The following ST8SIA1 variants were observed in gnomAD, a reference collection of about 807,000 sequenced individuals.
The protein encoded by ST8SIA1 is alpha-N-acetylneuraminide alpha-2,8-sialyltransferase.
ST8SIA1 carries 16 observed loss-of-function variants against 35.9 expected under a neutral mutation model. The ratio of observed to expected loss-of-function variants is 0.45; its 90% CI spans 0.30 to 0.68. The LOEUF (loss-of-function observed/expected upper bound fraction) is 0.68. ST8SIA1 is among the 30% of genes least tolerant of loss of function. ST8SIA1 has a pLI of 0.09. For missense variants in ST8SIA1, 383 were observed against 453.6 expected (o/e 0.84, Z 1.41); for synonymous variants, 170 against 169.6 (o/e 1.00, Z -0.02).
intron 4 of ST8SIA1, among the ~76,000 whole-genome samples, chr12:22,230,681 C>T (rs1346323577): frequency 1.3e-5 from 2 of 152,092 alleles, no homozygotes; most frequent in Non-Finnish European, 2.9e-5. Flanking sequence ...AAACTACTAA[C>T]ATTTCAACAA....
chr12:22,317,238 G>A (rs74720132), intron 1 of ST8SIA1, among the ~76,000 whole-genome samples: 3,323 of 152,244 alleles, frequency 0.022, 114 homozygotes, highest in African/African-American at 0.075. Context: ...ACTGATAGAC[G>A]TTGTGGGTGG....
chr12:22,279,871 A>G (rs1368602269), intron 2 of ST8SIA1, among the ~76,000 whole-genome samples: 3 of 152,234 alleles, frequency 2.0e-5, no homozygotes, highest in African/African-American at 7.2e-5. Flanking sequence ...CACTGAAGAT[A>G]ACAGGGTAGA....
At chr12:22,225,866 A>G (rs899486798) in intron 4 of ST8SIA1, among the ~76,000 whole-genome samples, 3 of 151,848 alleles carry the variant, frequency 2.0e-5, no homozygotes, top group African/African-American at 7.3e-5. Context: ...TCACTCCCCA[A>G]CTCCACATTA....
chr12:22,303,109 G>C (rs1866337981), intron 1 of ST8SIA1, among the ~76,000 whole-genome samples: 3 of 152,134 alleles, frequency 2.0e-5, no homozygotes, highest in African/African-American at 7.2e-5. Flanking sequence ...CAGATATTCA[G>C]GGTTCACATT....
At chr12:22,282,340 G>A (rs1000134816) in intron 2 of ST8SIA1, among the ~76,000 whole-genome samples, 5 of 152,160 alleles carry the variant, frequency 3.3e-5, no homozygotes, top group African/African-American at 9.7e-5. Flanking sequence ...AGGGCTGAGC[G>A]AGATAACATG....
chr12:22,312,154 G>T (rs552098550), intron 1 of ST8SIA1, among the ~76,000 whole-genome samples: 2 of 152,124 alleles, frequency 1.3e-5, no homozygotes, highest in Admixed American at 1.3e-4. Flanking sequence ...CTAAATAAAC[G>T]TATAAACTAA....
chr12:22,321,305 C>G (rs879575330), intron 1 of ST8SIA1, among the ~76,000 whole-genome samples: 5,543 of 152,306 alleles, frequency 0.036, 153 homozygotes, highest in African/African-American at 0.077. Flanking sequence ...CCTAAGAGGG[C>G]TGCCCGCCAG....
chr12:22,305,515 G>A (rs994625527), intron 1 of ST8SIA1, among the ~76,000 whole-genome samples: 5 of 151,806 alleles, frequency 3.3e-5, no homozygotes, highest in Non-Finnish European at 7.4e-5. Context: ...CAAGTAGCTG[G>A]GATCACAGGC....
Position 22,201,714 on chromosome 12 carries a change from A to C in ST8SIA1, c.909T>G (p.His303Gln). Reference sequence around the variant, plus strand: ...AGTAGTGGTGGCTGATGGGCTGCTCATGCATATTCACAGAGAAGGGCCAGA... The same window carrying C: ...AGTAGTGGTGGCTGATGGGCTGCTCCTGCATATTCACAGAGAAGGGCCAGA... ...YGFWPFSVNMHEQPISHHYYD... is the reference protein window; with the variant it reads ...YGFWPFSVNMQEQPISHHYYD... Residue 303 changes from histidine to glutamine, a missense_variant, in exon 5 of 5, where the codon CAT (histidine) becomes CAG (glutamine). By Grantham distance (24) the His-to-Gln change is conservative. Coordinates refer to ENST00000396037, the MANE Select transcript of ST8SIA1 (RefSeq NM_003034.4). 1.2e-6 allele frequency: 2 copies of C among 1,614,114 alleles called. No individual in the cohort carries two copies. The highest frequency in any genetic ancestry group is 3.3e-5 in the Admixed American group (2 of 60,006).
intron 1 of ST8SIA1, among the ~76,000 whole-genome samples, chr12:22,293,452 C>T (rs1173279064): frequency 2.6e-5 from 4 of 152,208 alleles, no homozygotes; most frequent in Non-Finnish European, 5.9e-5. Flanking sequence ...GTATCTAATG[C>T]ATTTCCTGCA....
At chr12:22,223,048 A>C (rs993450220) in intron 4 of ST8SIA1, among the ~76,000 whole-genome samples, 3 of 152,196 alleles carry the variant, frequency 2.0e-5, no homozygotes, top group African/African-American at 7.2e-5. Context: ...TCATGTCCTC[A>C]ATACTTCCTT....
At chr12:22,312,618 C>T (rs1866464132) in intron 1 of ST8SIA1, among the ~76,000 whole-genome samples, 1 of 150,886 alleles carries the variant, frequency 6.6e-6, no homozygotes, top group Admixed American at 6.6e-5. Flanking sequence ...ATTGCTATTG[C>T]TCTTGTTGGT....
chr12:22,242,642 T>C (rs972987034), intron 4 of ST8SIA1, among the ~76,000 whole-genome samples: 3 of 152,218 alleles, frequency 2.0e-5, no homozygotes, highest in Admixed American at 6.5e-5. Flanking sequence ...AAAATGGCAC[T>C]ATATCCCTTA....
intron 2 of ST8SIA1, among the ~76,000 whole-genome samples, chr12:22,255,850 A>G (rs1201256173): frequency 6.6e-6 from 1 of 152,196 alleles, no homozygotes; most frequent in Non-Finnish European, 1.5e-5. Flanking sequence ...TTGGGGAGAG[A>G]TACATGTGGA....
At chr12:22,278,067 G>C (rs907170647) in intron 2 of ST8SIA1, among the ~76,000 whole-genome samples, 1 of 152,204 alleles carries the variant, frequency 6.6e-6, no homozygotes, top group African/African-American at 2.4e-5. Flanking sequence ...TCATGAATGA[G>C]TGGTCGAACA....
chr12:22,303,722 G>A (rs1380244055), intron 1 of ST8SIA1, among the ~76,000 whole-genome samples: 3 of 150,862 alleles, frequency 2.0e-5, no homozygotes, highest in African/African-American at 4.9e-5. Flanking sequence ...GGTTGTTTCC[G>A]TCTTTTTCCC....
intron 4 of ST8SIA1, among the ~76,000 whole-genome samples, chr12:22,207,764 A>T (rs908142713): frequency 1.3e-5 from 2 of 152,290 alleles, no homozygotes; most frequent in Middle Eastern, 3.4e-3. Flanking sequence ...TATAGCATAA[A>T]CCAATAAAAA....
chr12:22,303,467 G>C (rs889738690), intron 1 of ST8SIA1, among the ~76,000 whole-genome samples: 1 of 152,090 alleles, frequency 6.6e-6, no homozygotes, highest in Non-Finnish European at 1.5e-5. Flanking sequence ...CCTGCTTCTA[G>C]GATGGTAGAG....
chr12:22,283,941 C>T (rs1387522598), intron 2 of ST8SIA1, among the ~76,000 whole-genome samples: 2 of 152,162 alleles, frequency 1.3e-5, no homozygotes, highest in East Asian at 3.9e-4. Context: ...GTTATGTACA[C>T]CGCATTATGT....
Sources: allele counts gnomAD v4.1 joint callset (sites outside exome capture counted in the v4.1 genomes callset), GRCh38; gene constraint gnomAD v4.1.1; transcripts MANE v1.5; gene names NCBI Gene and HGNC (gene_info 2026-07-23, HGNC 2026-07-21).